HDAC8: variants seen among roughly 807,000 people sequenced by gnomAD.
HDAC8 encodes the protein histone deacetylase 8.
A neutral mutation model predicts 32.2 loss-of-function variants in HDAC8; 1 was observed. The observed-to-expected ratio is 0.03, with a 90% CI of 0.01 to 0.15. HDAC8 has a LOEUF of 0.15. Among genes scored for constraint, HDAC8 ranks in the 10% least tolerant of loss-of-function variants. HDAC8 has a pLI of 1.00. For missense variants in HDAC8, 117 were observed against 300.0 expected, an observed-to-expected ratio of 0.39 and a Z score of 4.51; for synonymous variants, 108 against 113.9, an observed-to-expected ratio of 0.95 and a Z score of 0.33.
chrX:72,557,422 C>T (rs782521196), intron 4 of HDAC8, among the ~76,000 whole-genome samples: 9 of 111,271 alleles, frequency 8.1e-5, no homozygotes, highest in Middle Eastern at 4.6e-3. Context: ...CAAAAGGCAC[C>T]CTCAAAACCA....
Position 72,362,737 on chromosome X carries a change from T to C in HDAC8, c.1006-10899A>G, listed in dbSNP as rs191257099. On this transcript the variant is annotated intron_variant, in intron 9 of 10. Transcript: ENST00000373573. ...CTGTACAAAGAAACAGAGCTCTGAA[T>C]GTAATGGGCAGTAGTAAAATTGGAT... 9.8e-5 allele frequency among the ~76,000 whole-genome samples: 11 copies of C among 112,437 alleles called. No homozygotes were observed. In the East Asian group the frequency reaches 2.5e-3, roughly 26 times the overall value.
intron 4 of HDAC8, among the ~76,000 whole-genome samples, chrX:72,559,670 C>T (rs1472166369): frequency 9.2e-6 from 1 of 108,558 alleles, no homozygotes; most frequent in Non-Finnish European, 1.9e-5. Flanking sequence ...TGGGGAGCAC[C>T]TCTGCCCCGC....
At chrX:72,442,683 C>G (rs1222247003) in intron 9 of HDAC8, among the ~76,000 whole-genome samples, 1 of 111,436 alleles carries the variant, frequency 9.0e-6, no homozygotes, top group Non-Finnish European at 1.9e-5. Flanking sequence ...TCACACATAA[C>G]AATATTAACT....
At chrX:72,371,542 T>C (rs1264612326) in intron 9 of HDAC8, among the ~76,000 whole-genome samples, 1 of 110,682 alleles carries the variant, frequency 9.0e-6, no homozygotes, top group East Asian at 2.8e-4. Context: ...GGATGGGGAA[T>C]TTTGAATGGT....
In HDAC8 at chrX:72,329,868, T is replaced by G. The variant is rs1217515519; in HGVS notation, c.*186A>C. On this transcript the variant is annotated 3_prime_UTR_variant, in exon 11 of 11. Transcript: ENST00000373573. ...TCTTCCCCTAGGTCCAGTTGAGGAC[T>G]CTGGGGTGCCTGCCTCTTCACCCCA... The G allele has an allele frequency of 3.6e-6, 3 of 841,644 alleles. No homozygotes were observed. The highest frequency in any genetic ancestry group is 5.1e-6 in the Non-Finnish European group (3 of 592,611). The allele number at this position is 841,644 out of a possible 1,213,427, so 69.4% of individuals were successfully genotyped here. A position where few individuals can be genotyped will look rare whatever the true frequency, so the allele number is the denominator to read the frequency against.
chrX:72,432,042 C>T (rs2046833530), intron 9 of HDAC8, among the ~76,000 whole-genome samples: 1 of 111,400 alleles, frequency 9.0e-6, no homozygotes. Context: ...ATGATCATAG[C>T]TCACTGCAGC....
At position 72,480,984 on chromosome X, in the gene HDAC8, T is replaced by A. The variant is rs147073350; in HGVS notation, c.737+7949A>T. Among the ~76,000 whole-genome samples, 6,844 of 109,139 alleles carry A rather than the reference T, an allele frequency of 0.063. 851 individuals are homozygous for A. The East Asian group carries it at 0.73, about 12-fold the overall frequency. 94.8% of individuals were successfully genotyped at this position (109,139 alleles called of 115,157 possible). A position where few individuals can be genotyped will look rare whatever the true frequency, so the allele number is the denominator to read the frequency against. ...GCTTAAAACCTAGATGATGGGTTGA[T>A]AGGTGCAGCAAACCACCATGGCACA... On this transcript the variant is annotated intron_variant, in intron 7 of 10. Coordinates refer to ENST00000373573, the MANE Select transcript of HDAC8 (RefSeq NM_018486.3).
chrX:72,386,622 C>A (rs2147837715), intron 9 of HDAC8, among the ~76,000 whole-genome samples: 1 of 111,390 alleles, frequency 9.0e-6, no homozygotes, highest in South Asian at 3.8e-4. Flanking sequence ...TCATGTGGAT[C>A]AATTCATTAA....
chrX:72,412,948 T>G (rs1218487352), intron 9 of HDAC8, among the ~76,000 whole-genome samples: 1 of 111,605 alleles, frequency 9.0e-6, no homozygotes, highest in African/African-American at 3.3e-5. Context: ...GTCTATTTCT[T>G]GATGATGGCT....
At chrX:72,409,837 T>C (rs959912709) in intron 9 of HDAC8, among the ~76,000 whole-genome samples, 6 of 112,636 alleles carry the variant, frequency 5.3e-5, no homozygotes, top group African/African-American at 1.9e-4. Context: ...TCCATCAGAC[T>C]GTAAGCTCCT....
chrX:72,536,798 C>T (rs1270747898), intron 4 of HDAC8, among the ~76,000 whole-genome samples: 1 of 111,853 alleles, frequency 8.9e-6, no homozygotes, highest in Non-Finnish European at 1.9e-5. Flanking sequence ...ATATACCCCA[C>T]AGTCTGGTGC....
At chrX:72,443,859 C>A (rs1316421634) in intron 9 of HDAC8, among the ~76,000 whole-genome samples, 1 of 109,191 alleles carries the variant, frequency 9.2e-6, no homozygotes, top group Non-Finnish European at 1.9e-5. Flanking sequence ...GGGATATCAC[C>A]ACCGATCACA....
chrX:72,402,563 C>T (rs782451356), intron 9 of HDAC8, among the ~76,000 whole-genome samples: 10 of 109,827 alleles, frequency 9.1e-5, no homozygotes, highest in East Asian at 2.8e-4. Context: ...TTCATTCATC[C>T]GAAGTATTTT....
intron 9 of HDAC8, among the ~76,000 whole-genome samples, chrX:72,366,384 C>G (rs1372271529): frequency 1.8e-5 from 2 of 111,900 alleles, no homozygotes; most frequent in African/African-American, 6.5e-5. Flanking sequence ...GTGTCTCTCC[C>G]CACTCCTCTT....
intron 9 of HDAC8, among the ~76,000 whole-genome samples, chrX:72,423,201 TC>T (rs1407594461): frequency 8.9e-6 from 1 of 111,922 alleles, no homozygotes; most frequent in Non-Finnish European, 1.9e-5. Flanking sequence ...CACCTTTAGA[TC>T]TGACACTGAA....
chrX:72,564,109 G>T (rs1157926811), intron 4 of HDAC8, among the ~76,000 whole-genome samples: 1 of 110,286 alleles, frequency 9.1e-6, no homozygotes, highest in Non-Finnish European at 1.9e-5. Flanking sequence ...GCAGTGAGCC[G>T]AGATCACACC....
At chrX:72,407,202 T>A (rs2046064238) in intron 9 of HDAC8, among the ~76,000 whole-genome samples, 1 of 112,504 alleles carries the variant, frequency 8.9e-6, no homozygotes, top group South Asian at 3.7e-4. Context: ...CTCAATGTAA[T>A]CACAAGCGTT....
chrX:72,554,043 T>C (rs2051184120), intron 4 of HDAC8, among the ~76,000 whole-genome samples: 1 of 112,562 alleles, frequency 8.9e-6, no homozygotes, highest in Non-Finnish European at 1.9e-5. Flanking sequence ...CAGTTAGAGA[T>C]TTTAACCCTT....
chrX:72,491,112 G>C, intron 5 of HDAC8, 106 bp from the exon 6 acceptor site: 1 of 513,682 alleles, frequency 1.9e-6, no homozygotes, highest in South Asian at 3.2e-5. Context: ...AGATGAGAAG[G>C]CAGCAATATA....
Sources: gnomAD v4.1 joint callset for allele counts (sites outside exome capture counted in the v4.1 genomes callset) on GRCh38, gnomAD v4.1.1 for gene constraint, MANE v1.5 for transcripts, NCBI Gene and HGNC (gene_info 2026-07-23, HGNC 2026-07-21) for gene names.